Variants in TNS3 observed in about 807,000 individuals in gnomAD.
TNS3 encodes the protein tensin 3.
A neutral mutation model predicts 140.9 loss-of-function variants in TNS3; 45 were observed. The observed-to-expected ratio is 0.32, with a 90% CI of 0.25 to 0.41. The LOEUF (loss-of-function observed/expected upper bound fraction) is 0.41. TNS3 is among the 10% of genes least tolerant of loss of function. The pLI is 1.00. For missense variants in TNS3, 1,716 were observed against 1,906.7 expected (o/e 0.90, Z 1.86); for synonymous variants, 815 against 788.4 (o/e 1.03, Z -0.56).
intron 16 of TNS3, among the ~76,000 whole-genome samples, chr7:47,392,404 C>A (rs1238900155): frequency 6.6e-6 from 1 of 152,202 alleles, no homozygotes; most frequent in East Asian, 1.9e-4. Context: ...CAGAGGGCTC[C>A]ATTCCAGGAC....
chr7:47,466,435 A>C (rs1033477227), intron 4 of TNS3, among the ~76,000 whole-genome samples: 6 of 152,160 alleles, frequency 3.9e-5, no homozygotes, highest in Non-Finnish European at 8.8e-5. Context: ...CGTGAGCCAC[A>C]GCACCCGACC....
intron 11 of TNS3, among the ~76,000 whole-genome samples, chr7:47,414,864 TC>T (rs1793987503): frequency 1.3e-5 from 2 of 152,050 alleles, no homozygotes; most frequent in South Asian, 2.1e-4. Flanking sequence ...GTATTTCTGA[TC>T]CCCCTTGCTG....
At chr7:47,507,103 C>T (rs1447078228) in intron 2 of TNS3, among the ~76,000 whole-genome samples, 159 bp from the exon 3 acceptor site, 1 of 152,144 alleles carries the variant, frequency 6.6e-6, no homozygotes, top group East Asian at 1.9e-4. Context: ...TGACACACGG[C>T]AGTGTGGACA....
chr7:47,472,744 C>T lies in TNS3; in HGVS notation c.-76+8359G>A, dbSNP rs534275236. ...CTACTCCCTCCCACAGAGTAAATCC[C>T]GGACACTCCTGCTGGTCTGCACTTG... On this transcript the variant is annotated intron_variant, in intron 4 of 30. Transcript: ENST00000311160. Among the ~76,000 whole-genome samples the T allele has an allele frequency of 3.3e-4, 50 of 152,298 alleles. No individual in the cohort carries two copies. In the South Asian group the frequency reaches 3.7e-3, roughly 11 times the overall value.
intron 23 of TNS3, among the ~76,000 whole-genome samples, chr7:47,297,528 C>T (rs1786111232): frequency 1.3e-5 from 2 of 152,152 alleles, no homozygotes; most frequent in South Asian, 4.1e-4. Context: ...CATGGAAGAA[C>T]ACAGGATTTC....
At chr7:47,532,055 C>T (rs1268124040) in intron 1 of TNS3, among the ~76,000 whole-genome samples, 1 of 108,570 alleles carries the variant, frequency 9.2e-6, no homozygotes, top group Admixed American at 9.3e-5. Flanking sequence ...CCCTCGGGCG[C>T]ATGGGAAGCC....
At chr7:47,561,251 G>C (rs1011140641) in intron 1 of TNS3, among the ~76,000 whole-genome samples, 1 of 152,070 alleles carries the variant, frequency 6.6e-6, no homozygotes, top group Non-Finnish European at 1.5e-5. Context: ...TCAAATCCCT[G>C]GCACCTTATT....
At chr7:47,517,428 G>A (rs1798816564) in intron 2 of TNS3, among the ~76,000 whole-genome samples, 1 of 152,102 alleles carries the variant, frequency 6.6e-6, no homozygotes, top group Admixed American at 6.5e-5. Flanking sequence ...GTCGGGAAAG[G>A]GAAGGGGAAG....
intron 4 of TNS3, among the ~76,000 whole-genome samples, chr7:47,474,117 A>AACACACACACACACACACACACACAC (rs35049083): frequency 3.4e-5 from 5 of 145,326 alleles, no homozygotes; most frequent in Non-Finnish European, 6.0e-5. Context: ...AGCAAGTCTC[A>AACACACACACACACACACACACACAC]ACACACACAC....
intron 1 of TNS3, among the ~76,000 whole-genome samples, chr7:47,550,279 C>T (rs1272186489): frequency 2.0e-5 from 3 of 152,200 alleles, no homozygotes; most frequent in East Asian, 3.9e-4. Context: ...AATAGAAACA[C>T]GGCCCCATGG....
chr7:47,471,508 G>A (rs1160299350), intron 4 of TNS3, among the ~76,000 whole-genome samples: 6 of 152,220 alleles, frequency 3.9e-5, no homozygotes, highest in Non-Finnish European at 8.8e-5. Flanking sequence ...CCTGCAGGCA[G>A]CTCCAGGGCA....
chr7:47,354,388 C>A (rs1584466821), intron 17 of TNS3, among the ~76,000 whole-genome samples: 3 of 145,972 alleles, frequency 2.1e-5, no homozygotes, highest in Admixed American at 2.0e-4. Flanking sequence ...CTCAGAAAAA[C>A]CAAGGAGAAA....
At chr7:47,525,991 G>A (rs898912283) in intron 2 of TNS3, among the ~76,000 whole-genome samples, 1 of 152,226 alleles carries the variant, frequency 6.6e-6, no homozygotes, top group Non-Finnish European at 1.5e-5. Context: ...TCCCAACCCA[G>A]GGAAGGCACC....
chr7:47,472,722 C>A (rs1357374630), intron 4 of TNS3, among the ~76,000 whole-genome samples: 1 of 152,198 alleles, frequency 6.6e-6, no homozygotes. Context: ...GCCTGTCCTA[C>A]TCCCTCCCAC....
intron 3 of TNS3, among the ~76,000 whole-genome samples, chr7:47,506,676 T>C (rs1798428257): frequency 6.6e-6 from 1 of 152,092 alleles, no homozygotes; most frequent in South Asian, 2.1e-4. Flanking sequence ...AACTATTGAA[T>C]TCTTATCTGA....
At chr7:47,524,585 G>C (rs1280893237) in intron 2 of TNS3, among the ~76,000 whole-genome samples, 1 of 151,182 alleles carries the variant, frequency 6.6e-6, no homozygotes, top group Non-Finnish European at 1.5e-5. Flanking sequence ...GGTGGATCAT[G>C]AGGTCAGGAG....
chr7:47,435,792 G>C (rs1048035930), intron 7 of TNS3, among the ~76,000 whole-genome samples: 10 of 152,204 alleles, frequency 6.6e-5, no homozygotes, highest in African/African-American at 2.4e-4. Flanking sequence ...AGTTTGGAGA[G>C]TGCAGCCAGC....
rs1792313378 is a variant in TNS3, at chr7:47,389,084, G to GC, written c.1024+7715_1024+7716insG. ...AGAAGAAGAAGAAGAAGAAGAAGAA[G>GC]AGGAAGAGGAAGAGGAAGCGGAAGC... On this transcript the variant is annotated intron_variant, in intron 16 of 30. Coordinates refer to ENST00000311160, the MANE Select transcript of TNS3 (RefSeq NM_022748.12). Among the ~76,000 whole-genome samples, 13 of 73,308 alleles carry GC rather than the reference G, an allele frequency of 1.8e-4. 2 individuals carry two copies. Among genetic ancestry groups the GC allele is most frequent in the African/African-American group, 9.4e-4 (13 of 13,842 alleles). 48.1% of individuals were successfully genotyped at this position (73,308 alleles called of 152,430 possible).
rs994546218 is a variant in TNS3, at chr7:47,407,405, C to T, written c.723+4322G>A. On this transcript the variant is annotated intron_variant, in intron 13 of 30. Transcript: ENST00000311160. The surrounding 1 kb of genome is among the most constrained non-coding windows in gnomAD (Gnocchi z 4.1). Reference sequence around the variant, plus strand: ...CCTGAAGGACCCAGACTCCCGGGAGCAGGAGCCCTGCACTGCCCACTCACG... The same window carrying T: ...CCTGAAGGACCCAGACTCCCGGGAGTAGGAGCCCTGCACTGCCCACTCACG... 1.3e-5 allele frequency among the ~76,000 whole-genome samples: 2 copies of T among 152,214 alleles called. No individual in the cohort carries two copies. Among genetic ancestry groups the T allele is most frequent in the African/African-American group, 4.8e-5 (2 of 41,448 alleles).
Sources: allele counts gnomAD v4.1 joint callset (sites outside exome capture counted in the v4.1 genomes callset), GRCh38; gene constraint gnomAD v4.1.1; non-coding constraint Gnocchi (gnomAD v3.1); transcripts MANE v1.5; gene names NCBI Gene and HGNC (gene_info 2026-07-23, HGNC 2026-07-21).